PCYOX1: variants seen among roughly 807,000 people sequenced by gnomAD.
The protein encoded by PCYOX1 is prenylcysteine lyase.
In PCYOX1, 46 loss-of-function variants were observed where a neutral mutation model predicts 46.4. The ratio of observed to expected loss-of-function variants is 0.99; its 90% confidence interval spans 0.78 to 1.27. The LOEUF (loss-of-function observed/expected upper bound fraction) is 1.27. Among genes scored for constraint, PCYOX1 ranks in the 50% most tolerant of loss-of-function variants. The pLI, the probability that PCYOX1 is intolerant of heterozygous loss-of-function variation, is 0.00. For synonymous variants in PCYOX1, 220 were observed against 231.8 expected, an observed-to-expected ratio of 0.95 and a Z score of 0.46; for missense variants, 658 against 628.3, an observed-to-expected ratio of 1.05 and a Z score of -0.51.
intron 5 of PCYOX1, 143 bp downstream of exon 5, chr2:70,275,809 C>A: frequency 2.4e-6 from 2 of 830,416 alleles, no homozygotes; most frequent in Non-Finnish European, 3.7e-6. Context: ...TAGAAATATT[C>A]CCCAATGGGC....
intron 3 of PCYOX1, among the ~76,000 whole-genome samples, chr2:70,265,203 T>C (rs1696496508): frequency 6.7e-6 from 1 of 149,256 alleles, no homozygotes; most frequent in South Asian, 2.1e-4. Context: ...AACTAATTTT[T>C]TTTTTTTTTT....
At chr2:70,263,059 C>T (rs1403156386) in intron 3 of PCYOX1, among the ~76,000 whole-genome samples, 1 of 151,934 alleles carries the variant, frequency 6.6e-6, no homozygotes, top group Admixed American at 6.6e-5. Flanking sequence ...CATGGTAAAA[C>T]CCTGTCTCTA....
At chr2:70,269,045 CCAT>C (rs1191506666) in intron 3 of PCYOX1, among the ~76,000 whole-genome samples, 1 of 151,976 alleles carries the variant, frequency 6.6e-6, no homozygotes, top group African/African-American at 2.4e-5. Flanking sequence ...CAGTAACTGT[CCAT>C]TATTGAAAAT....
chr2:70,280,991 C>T lies in PCYOX1; in HGVS notation c.*3599C>T, dbSNP rs531535844. On this transcript the variant is annotated 3_prime_UTR_variant, in exon 6 of 6. Transcript: ENST00000433351. ...ATACAACCATCTGTAATGTATCTCT[C>T]GTTTGAGCTTGTGGGCCATACAATT... The T allele has an allele frequency of 6.6e-6, 1 of 152,228 alleles. No homozygotes were observed. Among genetic ancestry groups the T allele is most frequent in the East Asian group, 1.9e-4 (1 of 5,184 alleles). The allele number at this position is 152,228 out of a possible 1,614,324, so 9.4% of individuals were successfully genotyped here. A position where few individuals can be genotyped will look rare whatever the true frequency, so the allele number is the denominator to read the frequency against.
intron 5 of PCYOX1, among the ~76,000 whole-genome samples, chr2:70,276,275 T>TTC (rs1696670324): frequency 6.6e-6 from 1 of 151,526 alleles, no homozygotes; most frequent in Admixed American, 6.6e-5. Context: ...GTTCACGCCA[T>TTC]TCTCCTGCCT....
At chr2:70,263,079 T>A (rs890616555) in intron 3 of PCYOX1, among the ~76,000 whole-genome samples, 2 of 151,708 alleles carry the variant, frequency 1.3e-5, no homozygotes, top group Non-Finnish European at 2.9e-5. Flanking sequence ...ACAAAAAATA[T>A]AAAAATTTAG....
rs1696722009 is a variant in PCYOX1, at chr2:70,278,834, A to C, written c.*1442A>C. The C allele has an allele frequency of 2.0e-5, 3 of 152,252 alleles. No individual in the cohort carries two copies. The allele number at this position is 152,252 out of a possible 1,614,324, so 9.4% of individuals were successfully genotyped here. ...AGAACAGAACAAGCAAAAGATTAAGAGTTCAAAAGTAAATGCAACCAATTT... is the reference window on the plus strand; with the variant it reads ...AGAACAGAACAAGCAAAAGATTAAGCGTTCAAAAGTAAATGCAACCAATTT... On this transcript the variant is annotated 3_prime_UTR_variant, in exon 6 of 6. Transcript: ENST00000433351.
rs900239382 is a variant in PCYOX1, at chr2:70,265,490, C to T, written c.494+4104C>T. 6.6e-5 allele frequency among the ~76,000 whole-genome samples: 10 copies of T among 152,180 alleles called. 1 individual carries two copies. Among genetic ancestry groups the T allele is most frequent in the Admixed American group, 2.6e-4 (4 of 15,288 alleles). On this transcript the variant is annotated intron_variant, in intron 3 of 5. Coordinates refer to ENST00000433351, the MANE Select transcript of PCYOX1 (RefSeq NM_016297.4). Reference sequence around the variant, plus strand: ...ACAGGCGTGAGCCACCGCGCTCAGCCGGATGCCATTCTTTACTCCCAAGTC... The same window carrying T: ...ACAGGCGTGAGCCACCGCGCTCAGCTGGATGCCATTCTTTACTCCCAAGTC...
At chr2:70,274,737 T>A (rs34822242) in intron 3 of PCYOX1, 7 of 507,564 alleles carry the variant, frequency 1.4e-5, no homozygotes, top group Non-Finnish European at 2.2e-5. Context: ...TTAATTTTTG[T>A]ATTTTTAGTA....
rs945658491 is a variant in PCYOX1 at position 70,263,210 on chromosome 2, G to A, written c.494+1824G>A. ...GATCGTGCCATTACACTCTAGCCTGGGGGACAGAGCCAGACTGTCTAAAAA... is the reference window on the plus strand; with the variant it reads ...GATCGTGCCATTACACTCTAGCCTGAGGGACAGAGCCAGACTGTCTAAAAA... On this transcript the variant is annotated intron_variant, in intron 3 of 5. Transcript: ENST00000433351. Among the ~76,000 whole-genome samples, 13 of 150,662 alleles carry A rather than the reference G, an allele frequency of 8.6e-5. 1 individual carries two copies. In the East Asian group the frequency reaches 2.3e-3, roughly 27 times the overall value.
At chr2:70,264,812 G>A (rs907165382) in intron 3 of PCYOX1, among the ~76,000 whole-genome samples, 23 of 151,898 alleles carry the variant, frequency 1.5e-4, no homozygotes, top group African/African-American at 4.1e-4. Flanking sequence ...TCAGGAGTTC[G>A]AGACCAGCCT....
Position 70,277,574 on chromosome 2 carries a change from C to T in PCYOX1, c.*182C>T. On this transcript the variant is annotated 3_prime_UTR_variant, in exon 6 of 6. Transcript: ENST00000433351. Reference sequence around the variant, plus strand: ...ATTAAGTGTGAAGGTATAGCTATTGCACTTATGCCATCTCCAAAATTTCTT... The same window carrying T: ...ATTAAGTGTGAAGGTATAGCTATTGTACTTATGCCATCTCCAAAATTTCTT... 3.8e-6 allele frequency: 2 copies of T among 526,624 alleles called. No homozygotes were observed. The highest frequency in any genetic ancestry group is 3.1e-5 in the South Asian group (1 of 32,156). The allele number at this position is 526,624 out of a possible 1,614,324, so 32.6% of individuals were successfully genotyped here.
intron 3 of PCYOX1, among the ~76,000 whole-genome samples, chr2:70,265,844 A>G (rs1696514956): frequency 6.6e-6 from 1 of 152,154 alleles, no homozygotes; most frequent in Admixed American, 6.6e-5. Context: ...AAGGCTTTAT[A>G]AACACCCTTT....
chr2:70,264,751 C>T (rs1337226703), intron 3 of PCYOX1, among the ~76,000 whole-genome samples: 1 of 151,916 alleles, frequency 6.6e-6, no homozygotes, highest in Non-Finnish European at 1.5e-5. Flanking sequence ...CGCGGTGGCA[C>T]ACGCCTGTAA....
At chr2:70,262,089 A>T (rs936740785) in intron 3 of PCYOX1, among the ~76,000 whole-genome samples, 5 of 152,208 alleles carry the variant, frequency 3.3e-5, no homozygotes, top group African/African-American at 1.2e-4. Flanking sequence ...AGGAAGACTA[A>T]CATAAAATAG....
At chr2:70,274,557 TTTTTTTTTTTC>T (rs1339238346) in intron 3 of PCYOX1, among the ~76,000 whole-genome samples, 4 of 144,728 alleles carry the variant, frequency 2.8e-5, no homozygotes, top group East Asian at 2.0e-4. Flanking sequence ...GTTTCTTTTC[TTTTTTTTTTTC>T]TTTTTTTTTT....
At chr2:70,262,319 C>G (rs1429537395) in intron 3 of PCYOX1, among the ~76,000 whole-genome samples, 1 of 151,424 alleles carries the variant, frequency 6.6e-6, no homozygotes, top group African/African-American at 2.4e-5. Flanking sequence ...ATGCCTGCCA[C>G]CACGCCCAGC....
chr2:70,277,495 A>G lies in PCYOX1; in HGVS notation c.*103A>G. On this transcript the variant is annotated 3_prime_UTR_variant, in exon 6 of 6. Transcript: ENST00000433351. Reference sequence around the variant, plus strand: ...ATTTTGAACCAGATATTTTGCCATTATCATTGTTTAATAAAAGTAATCCCT... The same window carrying G: ...ATTTTGAACCAGATATTTTGCCATTGTCATTGTTTAATAAAAGTAATCCCT... 3.1e-6 allele frequency: 3 copies of G among 956,800 alleles called. No individual in the cohort carries two copies. Among genetic ancestry groups the G allele is most frequent in the Non-Finnish European group, 3.2e-6 (2 of 628,098 alleles). 59.3% of individuals were successfully genotyped at this position (956,800 alleles called of 1,614,324 possible). A position where few individuals can be genotyped will look rare whatever the true frequency, so the allele number is the denominator to read the frequency against.
Position 70,264,108 on chromosome 2 carries a change from C to T in PCYOX1, c.494+2722C>T, listed in dbSNP as rs141054597. On this transcript the variant is annotated intron_variant, in intron 3 of 5. Transcript: ENST00000433351. ...CTCTGTGTAGCTGGGACTACAGGCA[C>T]GTGCCATCAGATCTGGCTAATTTTT... is the stretch of plus-strand genomic sequence containing the variant. Among the ~76,000 whole-genome samples, 30 of 151,492 alleles carry T rather than the reference C, an allele frequency of 2.0e-4. No homozygotes were observed. The East Asian group carries it at 5.8e-3, about 29-fold the overall frequency.
Sources: gnomAD v4.1 joint callset for allele counts (sites outside exome capture counted in the v4.1 genomes callset) on GRCh38, gnomAD v4.1.1 for gene constraint, MANE v1.5 for transcripts, NCBI Gene and HGNC (gene_info 2026-07-23, HGNC 2026-07-21) for gene names.